Variants in ZCCHC7 observed in about 807,000 individuals in gnomAD.
The protein encoded by ZCCHC7 is zinc finger CCHC domain-containing protein 7.
A neutral mutation model predicts 52.0 loss-of-function variants in ZCCHC7; 35 were observed. The ratio of observed to expected loss-of-function variants is 0.67; its 90% confidence interval spans 0.51 to 0.89. The LOEUF (loss-of-function observed/expected upper bound fraction) is 0.89, where lower values mean the gene tolerates loss of function less well. Ranked by LOEUF, ZCCHC7 falls within the 40% of genes least tolerant of loss-of-function variation. The probability of loss-of-function intolerance (pLI) is 0.00; values close to 1 mark genes in which losing one functional copy is unlikely to be tolerated. For synonymous variants in ZCCHC7, 217 were observed against 221.5 expected (o/e 0.98, Z 0.18); for missense variants, 574 against 649.1 (o/e 0.88, Z 1.26).
chr9:37,322,378 C>G (rs1357778689), intron 5 of ZCCHC7: 2 of 151,968 alleles, frequency 1.3e-5, no homozygotes, highest in Admixed American at 1.3e-4. Context: ...TTAAAACCCC[C>G]CCAAAAGAGG....
chr9:37,211,504 G>C (rs986131940), intron 2 of ZCCHC7, among the ~76,000 whole-genome samples: 2 of 150,506 alleles, frequency 1.3e-5, no homozygotes, highest in African/African-American at 5.0e-5. Context: ...ATTCACACTA[G>C]AGATTTTTTT....
chr9:37,138,903 G>A (rs775789383), intron 2 of ZCCHC7, among the ~76,000 whole-genome samples: 4 of 151,828 alleles, frequency 2.6e-5, no homozygotes, highest in Non-Finnish European at 5.9e-5. Context: ...TATATAGACA[G>A]TATATTTTTA....
Position 37,338,301 on chromosome 9 carries a change from ATGT to A in ZCCHC7, c.987+10471_987+10473del, listed in dbSNP as rs568712304. Among the ~76,000 whole-genome samples the A allele has an allele frequency of 3.2e-4, 48 of 152,292 alleles. 1 individual carries two copies. The East Asian group carries it at 8.1e-3, about 26-fold the overall frequency. On this transcript the variant is annotated intron_variant, in intron 6 of 8. Transcript: ENST00000336755. ...TATTTTAGATTTTGCATAGTGGTTA[ATGT>A]TGTGAATATATAACCCTTTCACTAT...
chr9:37,195,532 A>C (rs1246309123), intron 2 of ZCCHC7, among the ~76,000 whole-genome samples: 1 of 152,152 alleles, frequency 6.6e-6, no homozygotes, highest in African/African-American at 2.4e-5. Flanking sequence ...GAAGATGACT[A>C]TCCTGGGGTG....
intron 2 of ZCCHC7, among the ~76,000 whole-genome samples, chr9:37,150,250 A>T (rs1352134233): frequency 2.0e-5 from 3 of 152,186 alleles, no homozygotes; most frequent in Non-Finnish European, 4.4e-5. Context: ...TTTCTCATTG[A>T]TCTTCTAGAT....
intron 6 of ZCCHC7, among the ~76,000 whole-genome samples, chr9:37,340,865 G>T: frequency 6.6e-6 from 1 of 152,054 alleles, no homozygotes; most frequent in East Asian, 1.9e-4. Context: ...TAAAATGAGA[G>T]TATGTAGATA....
Position 37,357,069 on chromosome 9 carries a change from A to G in ZCCHC7, c.1433A>G (p.Lys478Arg). Reference protein sequence around the residue: ...EVDEDFPRGPKTYSSPGSFKT... With the variant: ...EVDEDFPRGPRTYSSPGSFKT... ...GATGAGGATTTTCCCAGGGGCCCCA[A>G]AACCTACTCTTCTCCTGGCAGTTTT... Residue 478 changes from lysine to arginine, a missense_variant, in exon 9 of 9, where the codon AAA becomes AGA. By Grantham distance (26) the Lys-to-Arg change is conservative (BLOSUM62 2). Transcript: ENST00000336755. 6.2e-7 allele frequency: 1 copy of G among 1,613,800 alleles called. No individual in the cohort carries two copies. The highest frequency in any genetic ancestry group is 8.5e-7 in the Non-Finnish European group (1 of 1,179,944).
At chr9:37,236,417 T>A (rs981704331) in intron 2 of ZCCHC7, among the ~76,000 whole-genome samples, 1 of 152,032 alleles carries the variant, frequency 6.6e-6, no homozygotes, top group Non-Finnish European at 1.5e-5. Flanking sequence ...ATCAGATTTT[T>A]TTTTTGCTCT....
At chr9:37,305,249 ATCC>A (rs1425986799) in intron 4 of ZCCHC7, among the ~76,000 whole-genome samples, 7 of 152,200 alleles carry the variant, frequency 4.6e-5, no homozygotes, top group Non-Finnish European at 7.3e-5. Context: ...GCTTCTAGAT[ATCC>A]TCCTCATTCT....
intron 2 of ZCCHC7, among the ~76,000 whole-genome samples, chr9:37,298,648 A>G (rs1828894801): frequency 6.6e-6 from 1 of 152,186 alleles, no homozygotes; most frequent in Non-Finnish European, 1.5e-5. Flanking sequence ...CATGTGCACA[A>G]AGTAACATTT....
intron 2 of ZCCHC7, among the ~76,000 whole-genome samples, chr9:37,288,172 C>T (rs906040723): frequency 2.6e-5 from 4 of 151,144 alleles, no homozygotes; most frequent in African/African-American, 7.3e-5. Flanking sequence ...CCCAGCTACT[C>T]GGGAGGCTGA....
chr9:37,280,226 A>G (rs553091512), intron 2 of ZCCHC7, among the ~76,000 whole-genome samples: 1 of 152,196 alleles, frequency 6.6e-6, no homozygotes, highest in Admixed American at 6.5e-5. Flanking sequence ...ATAGATAAAA[A>G]CAAAATTTGA....
At chr9:37,271,641 C>T (rs1827417120) in intron 2 of ZCCHC7, among the ~76,000 whole-genome samples, 1 of 152,196 alleles carries the variant, frequency 6.6e-6, no homozygotes, top group African/African-American at 2.4e-5. Flanking sequence ...ACAATCTCGG[C>T]TCACTGCAAC....
intron 2 of ZCCHC7, among the ~76,000 whole-genome samples, chr9:37,267,784 T>G (rs1286889841): frequency 6.6e-6 from 1 of 152,032 alleles, no homozygotes; most frequent in African/African-American, 2.4e-5. Flanking sequence ...TTAGCCAGGA[T>G]GGTCTCGATC....
intron 2 of ZCCHC7, among the ~76,000 whole-genome samples, chr9:37,240,093 G>A (rs1301008990): frequency 6.6e-6 from 1 of 151,948 alleles, no homozygotes; most frequent in African/African-American, 2.4e-5. Context: ...ATCATTAGAA[G>A]GTTGTCTGTT....
At chr9:37,298,669 G>A (rs1212110919) in intron 2 of ZCCHC7, among the ~76,000 whole-genome samples, 3 of 152,146 alleles carry the variant, frequency 2.0e-5, no homozygotes, top group Non-Finnish European at 4.4e-5. Flanking sequence ...TGGGATGATG[G>A]AAATGTTCTA....
rs140104980 is a variant in ZCCHC7 at position 37,320,237 on chromosome 9, T to A, written c.952-7562T>A. 6.2e-3 allele frequency among the ~76,000 whole-genome samples: 938 copies of A among 151,874 alleles called. 4 individuals carry two copies. Among genetic ancestry groups the A allele is most frequent in the African/African-American group, 0.021 (878 of 41,412 alleles). On this transcript the variant is annotated intron_variant, in intron 5 of 8. Transcript: ENST00000336755. ...GGATTACAGGCGCCTACCACCACACTCAGCTTATTTTTATATTTTTAGTAG... is the reference window on the plus strand; with the variant it reads ...GGATTACAGGCGCCTACCACCACACACAGCTTATTTTTATATTTTTAGTAG...
Position 37,357,135 on chromosome 9 carries a change from A to C in ZCCHC7, c.1499A>C (p.His500Pro). ...KPSKPFHRSSHYHTSREDKSP... is the reference protein window; with the variant it reads ...KPSKPFHRSSPYHTSREDKSP... ...TCTAAGCCCTTTCACCGTTCATCAC[A>C]TTACCACACGTCAAGAGAAGACAAG... Residue 500 changes from histidine (H) to proline (P), a missense_variant, in exon 9 of 9, where the codon CAT (histidine) becomes CCT (proline). His to Pro is a moderately conservative substitution (Grantham distance 77). Transcript: ENST00000336755. 6.2e-7 allele frequency: 1 copy of C among 1,613,630 alleles called. No individual in the cohort carries two copies. Among genetic ancestry groups the C allele is most frequent in the Non-Finnish European group, 8.5e-7 (1 of 1,179,932 alleles).
At chr9:37,194,393 T>C (rs1305476443) in intron 2 of ZCCHC7, among the ~76,000 whole-genome samples, 2 of 152,110 alleles carry the variant, frequency 1.3e-5, no homozygotes, top group African/African-American at 4.8e-5. Context: ...AGAGCAAGAC[T>C]GTTAGATAAT....
Sources: allele counts gnomAD v4.1 joint callset (sites outside exome capture counted in the v4.1 genomes callset), GRCh38; gene constraint gnomAD v4.1.1; transcripts MANE v1.5; gene names NCBI Gene and HGNC (gene_info 2026-07-23, HGNC 2026-07-21).